Variants in LRFN5 observed in about 807,000 individuals in gnomAD.
LRFN5 encodes the protein leucine-rich repeat and fibronectin type-III domain-containing protein 5.
LRFN5 carries 24 observed loss-of-function variants against 45.6 expected under a neutral mutation model. The observed-to-expected ratio is 0.53, with a 90% CI of 0.38 to 0.74. LRFN5 has a LOEUF of 0.74. Ranked by LOEUF, LRFN5 falls within the 30% of genes least tolerant of loss-of-function variation. The pLI, the probability that LRFN5 is intolerant of heterozygous loss-of-function variation, is 0.00. For missense variants in LRFN5, 776 were observed against 861.5 expected, an observed-to-expected ratio of 0.90 and a Z score of 1.24; for synonymous variants, 340 against 313.8, an observed-to-expected ratio of 1.08 and a Z score of -0.88.
chr14:41,781,122 T>C (rs1886466129), intron 2 of LRFN5, among the ~76,000 whole-genome samples: 1 of 152,170 alleles, frequency 6.6e-6, no homozygotes, highest in Admixed American at 6.6e-5. Context: ...TTACTTTTTC[T>C]TTCTCTCTTT....
chr14:41,614,805 A>G (rs1019226949), intron 1 of LRFN5, among the ~76,000 whole-genome samples: 1 of 152,218 alleles, frequency 6.6e-6, no homozygotes, highest in African/African-American at 2.4e-5. Flanking sequence ...GATATAGTTC[A>G]TTAGGCACCT....
chr14:41,812,697 A>T (rs1005566646), intron 2 of LRFN5, among the ~76,000 whole-genome samples: 4 of 152,062 alleles, frequency 2.6e-5, no homozygotes, highest in African/African-American at 9.7e-5. Context: ...GCTTGAACAA[A>T]ATGATTTTAA....
chr14:41,885,889 G>A (rs1419933311), intron 2 of LRFN5, among the ~76,000 whole-genome samples: 4 of 151,658 alleles, frequency 2.6e-5, no homozygotes, highest in African/African-American at 4.8e-5. Context: ...GGTGTTGGGC[G>A]CCTGTAATCC....
chr14:41,804,486 G>A (rs891199210), intron 2 of LRFN5, among the ~76,000 whole-genome samples: 7 of 151,966 alleles, frequency 4.6e-5, no homozygotes, highest in East Asian at 1.9e-4. Context: ...TGTGACCTCC[G>A]GAATAATGAC....
At chr14:41,903,416 A>C (rs116677113) in intron 5 of LRFN5, among the ~76,000 whole-genome samples, 1,595 of 151,554 alleles carry the variant, frequency 0.011, 26 homozygotes, top group African/African-American at 0.037. Flanking sequence ...ACTTGTACTC[A>C]TGTATATGAA....
chr14:41,831,728 G>T (rs1888489089), intron 2 of LRFN5, among the ~76,000 whole-genome samples: 1 of 152,080 alleles, frequency 6.6e-6, no homozygotes, highest in African/African-American at 2.4e-5. Context: ...ATGGCTCAAG[G>T]TAGTATTTGC....
chr14:41,623,299 G>C (rs1040382993), intron 1 of LRFN5, among the ~76,000 whole-genome samples: 3 of 152,096 alleles, frequency 2.0e-5, no homozygotes, highest in Admixed American at 2.0e-4. Context: ...CTGCCACCTT[G>C]TGAAGCGGCT....
At chr14:41,755,720 A>G (rs1885345807) in intron 1 of LRFN5, among the ~76,000 whole-genome samples, 1 of 152,018 alleles carries the variant, frequency 6.6e-6, no homozygotes, top group Non-Finnish European at 1.5e-5. Flanking sequence ...TCTTTATCCA[A>G]TTTGCCAGTC....
chr14:41,774,041 T>C (rs1886189678), intron 2 of LRFN5, among the ~76,000 whole-genome samples: 1 of 152,166 alleles, frequency 6.6e-6, no homozygotes, highest in South Asian at 2.1e-4. Flanking sequence ...CTGTGAAATG[T>C]CCAGGGAAGA....
intron 1 of LRFN5, chr14:41,701,517 C>T (rs1051709186): frequency 5.3e-5 from 8 of 152,106 alleles, no homozygotes; most frequent in African/African-American, 1.4e-4. Context: ...GATGTCAGGC[C>T]GAAGTGGGTT....
intron 5 of LRFN5, among the ~76,000 whole-genome samples, chr14:41,900,859 C>T (rs999996024): frequency 6.6e-6 from 1 of 152,042 alleles, no homozygotes; most frequent in Non-Finnish European, 1.5e-5. Flanking sequence ...TTTGTCATAG[C>T]CTTTCACATT....
At chr14:41,752,633 TGTTTCA>T in intron 1 of LRFN5, among the ~76,000 whole-genome samples, 1 of 152,360 alleles carries the variant, frequency 6.6e-6, no homozygotes, top group Middle Eastern at 3.4e-3. Flanking sequence ...CTTGTAAATT[TGTTTCA>T]GTTCATTGTA....
intron 2 of LRFN5, among the ~76,000 whole-genome samples, chr14:41,848,450 G>T (rs1312546959): frequency 1.3e-5 from 2 of 151,794 alleles, no homozygotes; most frequent in Admixed American, 1.3e-4. Flanking sequence ...CAATTGAGTT[G>T]TACAGCGGGA....
At chr14:41,632,264 T>G (rs1056357831) in intron 1 of LRFN5, among the ~76,000 whole-genome samples, 7 of 152,242 alleles carry the variant, frequency 4.6e-5, no homozygotes, top group African/African-American at 1.7e-4. Context: ...ACTATGCTGT[T>G]ACTTCCATCA....
At chr14:41,670,012 T>C (rs1881094354) in intron 1 of LRFN5, among the ~76,000 whole-genome samples, 1 of 149,946 alleles carries the variant, frequency 6.7e-6, no homozygotes, top group South Asian at 2.1e-4. Flanking sequence ...AAATTTGCTA[T>C]GCAGTATATA....
intron 2 of LRFN5, among the ~76,000 whole-genome samples, chr14:41,876,015 A>ATATG (rs1294115154): frequency 6.6e-6 from 1 of 152,152 alleles, no homozygotes; most frequent in South Asian, 2.1e-4. Flanking sequence ...TGAAAGATAC[A>ATATG]TATGTATACA....
intron 2 of LRFN5, among the ~76,000 whole-genome samples, chr14:41,868,375 C>G (rs1297606541): frequency 6.6e-6 from 1 of 152,086 alleles, no homozygotes; most frequent in African/African-American, 2.4e-5. Flanking sequence ...AATTATCATG[C>G]TCCTTCAAGC....
intron 1 of LRFN5, among the ~76,000 whole-genome samples, chr14:41,684,672 T>A (rs961598720): frequency 5.9e-5 from 9 of 152,106 alleles, no homozygotes; most frequent in African/African-American, 2.2e-4. Context: ...TAAAAATGGG[T>A]TAAAAACTTA....
chr14:41,749,476 A>G (rs1424653531), intron 1 of LRFN5, among the ~76,000 whole-genome samples: 2 of 152,196 alleles, frequency 1.3e-5, no homozygotes, highest in South Asian at 2.1e-4. Flanking sequence ...TTATACAGCT[A>G]TAGTATTCCA....
Sources: allele counts gnomAD v4.1 joint callset (sites outside exome capture counted in the v4.1 genomes callset), GRCh38; gene constraint gnomAD v4.1.1; transcripts MANE v1.5; gene names NCBI Gene and HGNC (gene_info 2026-07-23, HGNC 2026-07-21).